The following EDIL3 variants were observed in gnomAD, a reference collection of about 807,000 sequenced individuals.
The protein encoded by EDIL3 is EGF-like repeat and discoidin I-like domain-containing protein 3.
EDIL3 carries 37 observed loss-of-function variants against 67.4 expected under a neutral mutation model. The ratio of observed to expected loss-of-function variants is 0.55; its 90% CI spans 0.42 to 0.72. The LOEUF is 0.72. EDIL3 is among the 30% of genes least tolerant of loss of function. The pLI is 0.00. For synonymous variants in EDIL3, 195 were observed against 196.3 expected, an observed-to-expected ratio of 0.99 and a Z score of 0.05; for missense variants, 527 against 586.3, an observed-to-expected ratio of 0.90 and a Z score of 1.04.
At chr5:84,076,493 G>A (rs954590527) in intron 6 of EDIL3, among the ~76,000 whole-genome samples, 11 of 152,042 alleles carry the variant, frequency 7.2e-5, no homozygotes, top group African/African-American at 2.7e-4. Flanking sequence ...ACCCATGCAT[G>A]GTTTTGTAAC....
At chr5:84,293,281 A>C (rs925011127) in intron 1 of EDIL3, among the ~76,000 whole-genome samples, 1 of 152,210 alleles carries the variant, frequency 6.6e-6, no homozygotes, top group Non-Finnish European at 1.5e-5. Flanking sequence ...TTACAAAGTT[A>C]ATTAATTTAA....
chr5:84,106,578 T>C (rs764932224), intron 6 of EDIL3, 71 bp downstream of exon 6: 245 of 1,471,480 alleles, frequency 1.7e-4, no homozygotes, highest in Non-Finnish European at 2.0e-4. Context: ...CCCTTTTGTC[T>C]GCTTTTTAAA....
chr5:83,990,879 C>CAATAAATA (rs200045595), intron 9 of EDIL3, among the ~76,000 whole-genome samples: 83 of 140,314 alleles, frequency 5.9e-4, no homozygotes, highest in Middle Eastern at 3.6e-3. Context: ...GACTCTGTCT[C>CAATAAATA]AATAAATAAA....
intron 3 of EDIL3, among the ~76,000 whole-genome samples, chr5:84,208,405 C>T (rs1416385655): frequency 2.6e-5 from 4 of 151,984 alleles, no homozygotes; most frequent in South Asian, 2.1e-4. Context: ...ACAGGCCAGG[C>T]GCGGTGGCTC....
chr5:84,305,313 C>T (rs936009681), intron 1 of EDIL3, among the ~76,000 whole-genome samples: 26 of 152,098 alleles, frequency 1.7e-4, no homozygotes, highest in African/African-American at 6.0e-4. Flanking sequence ...AATGGTAAAA[C>T]TGTTTCTTTG....
intron 4 of EDIL3, among the ~76,000 whole-genome samples, chr5:84,177,342 G>T (rs1165990761): frequency 6.6e-6 from 1 of 152,110 alleles, no homozygotes; most frequent in Non-Finnish European, 1.5e-5. Context: ...GTCTTAAAAG[G>T]CTACATACTA....
intron 3 of EDIL3, among the ~76,000 whole-genome samples, chr5:84,221,577 G>A (rs529231479): frequency 1.2e-4 from 19 of 152,042 alleles, no homozygotes; most frequent in Admixed American, 6.5e-4. Flanking sequence ...AAAAGGAAAC[G>A]TAAGCACTAT....
intron 1 of EDIL3, among the ~76,000 whole-genome samples, chr5:84,312,132 G>T (rs1409429389): frequency 6.6e-6 from 1 of 152,004 alleles, no homozygotes; most frequent in Non-Finnish European, 1.5e-5. Flanking sequence ...CCCAGTAGGG[G>T]CGGCCGGGCA....
intron 6 of EDIL3, among the ~76,000 whole-genome samples, chr5:84,071,294 C>T (rs1052356696): frequency 3.3e-5 from 5 of 152,190 alleles, no homozygotes; most frequent in African/African-American, 1.2e-4. Flanking sequence ...ATGAATTTTA[C>T]CCTTCCTTCT....
intron 3 of EDIL3, among the ~76,000 whole-genome samples, chr5:84,209,772 G>A (rs756936775): frequency 6.6e-6 from 1 of 152,194 alleles, no homozygotes; most frequent in African/African-American, 2.4e-5. Flanking sequence ...TTTATTGAGT[G>A]TCTAGTTCAC....
intron 5 of EDIL3, among the ~76,000 whole-genome samples, chr5:84,125,342 GC>G (rs1747848708): frequency 6.6e-6 from 1 of 151,912 alleles, no homozygotes; most frequent in Admixed American, 6.6e-5. Flanking sequence ...TGATGTTATT[GC>G]CACAGCCATT....
At position 84,311,321 on chromosome 5, in the gene EDIL3, TTTC is replaced by T. The variant is rs1188128021; in HGVS notation, c.68-57112_68-57110del. ...CTATTCAATGTATTTTCTTTTTTTT[TTTC>T]TTTTTTTTTTTTTTTACATGCAGTA... On this transcript the variant is annotated intron_variant, in intron 1 of 10. Coordinates refer to ENST00000296591, the MANE Select transcript of EDIL3 (RefSeq NM_005711.5). Among the ~76,000 whole-genome samples, 26 of 147,302 alleles carry T rather than the reference TTTC, an allele frequency of 1.8e-4. 2 individuals carry two copies. The highest frequency in any genetic ancestry group is 2.9e-4 in the Non-Finnish European group (19 of 66,128).
chr5:83,991,802 G>A (rs543145860), intron 9 of EDIL3, among the ~76,000 whole-genome samples: 17 of 152,138 alleles, frequency 1.1e-4, no homozygotes, highest in Middle Eastern at 3.4e-3. Context: ...CCTTCCTACC[G>A]TTTTTCCTCC....
At chr5:84,279,125 A>C (rs1469849459) in intron 1 of EDIL3, among the ~76,000 whole-genome samples, 1 of 152,150 alleles carries the variant, frequency 6.6e-6, no homozygotes, top group Non-Finnish European at 1.5e-5. Flanking sequence ...AATGGCTGTA[A>C]ATTTCCTACC....
intron 9 of EDIL3, among the ~76,000 whole-genome samples, chr5:84,003,860 G>A (rs1018599886): frequency 2.6e-5 from 4 of 152,064 alleles, no homozygotes; most frequent in African/African-American, 9.7e-5. Context: ...AATGTCCCAT[G>A]TCAAAGGCAC....
chr5:84,006,019 ACAC>A (rs1016140383), intron 9 of EDIL3, among the ~76,000 whole-genome samples: 2 of 151,694 alleles, frequency 1.3e-5, no homozygotes, highest in African/African-American at 4.8e-5. Flanking sequence ...GCATTTCTAC[ACAC>A]CAGTAATGTC....
chr5:84,218,477 C>T (rs542428921), intron 3 of EDIL3, among the ~76,000 whole-genome samples: 22 of 152,306 alleles, frequency 1.4e-4, no homozygotes, highest in Admixed American at 1.3e-3. Context: ...ATAGAAGCCT[C>T]CACCAATTGT....
intron 10 of EDIL3, 150 bp downstream of exon 10, chr5:83,963,055 A>T: frequency 9.3e-7 from 1 of 1,070,148 alleles, no homozygotes. Context: ...CCTTTACAGT[A>T]CTATTCTTTA....
intron 1 of EDIL3, among the ~76,000 whole-genome samples, chr5:84,320,081 C>T (rs972390668): frequency 3.9e-5 from 6 of 152,038 alleles, no homozygotes; most frequent in Non-Finnish European, 7.4e-5. Flanking sequence ...AGCAAACCAA[C>T]ATGGCACATG....
Sources: gnomAD v4.1 joint callset for allele counts (sites outside exome capture counted in the v4.1 genomes callset) on GRCh38, gnomAD v4.1.1 for gene constraint, MANE v1.5 for transcripts, NCBI Gene and HGNC (gene_info 2026-07-23, HGNC 2026-07-21) for gene names.